PRMT8: variants seen among roughly 807,000 people sequenced by gnomAD.
The protein encoded by PRMT8 is protein arginine N-methyltransferase 8.
A neutral mutation model predicts 47.1 loss-of-function variants in PRMT8; 7 were observed. The observed-to-expected ratio is 0.15, with a 90% CI of 0.08 to 0.28. The LOEUF is 0.28. Among genes scored for constraint, PRMT8 ranks in the 10% least tolerant of loss-of-function variants. The pLI is 1.00. For synonymous variants in PRMT8, 188 were observed against 186.5 expected (o/e 1.01, Z -0.07); for missense variants, 237 against 505.4 (o/e 0.47, Z 5.09).
intron 1 of PRMT8, among the ~76,000 whole-genome samples, chr12:3,403,142 A>AT (rs1443518635): frequency 6.6e-6 from 1 of 152,230 alleles, no homozygotes; most frequent in Admixed American, 6.5e-5. Flanking sequence ...GCCTAAAAAA[A>AT]AGAATTGAGA....
chr12:3,409,304 C>T lies in PRMT8; in HGVS notation c.48+27862C>T, dbSNP rs548538710. On this transcript the variant is annotated intron_variant, in intron 1 of 9. Coordinates refer to the PRMT8 transcript ENST00000452611. This position sits in a 1 kb window ranked among gnomAD's most constrained non-coding sequence, Gnocchi z 4.4. Reference sequence around the variant, plus strand: ...GGGAAGAAGGGGTGCTGTGGAGTTTCGGGTCCAGTGAGCAGAACACAGCTG... The same window carrying T: ...GGGAAGAAGGGGTGCTGTGGAGTTTTGGGTCCAGTGAGCAGAACACAGCTG... Among the ~76,000 whole-genome samples, 8 of 152,210 alleles carry T rather than the reference C, an allele frequency of 5.3e-5. No homozygotes were observed. Among genetic ancestry groups the T allele is most frequent in the South Asian group, 4.2e-4 (2 of 4,812 alleles).
At chr12:3,413,314 C>T (rs1864451035) in intron 1 of PRMT8, among the ~76,000 whole-genome samples, 1 of 152,184 alleles carries the variant, frequency 6.6e-6, no homozygotes, top group African/African-American at 2.4e-5. Flanking sequence ...CTTGCCTCCC[C>T]TTTGTTTTCT....
At chr12:3,397,818 C>G (rs1471690155) in intron 1 of PRMT8, among the ~76,000 whole-genome samples, 1 of 152,134 alleles carries the variant, frequency 6.6e-6, no homozygotes. Flanking sequence ...GCCTCGCTGC[C>G]GCCTTGCAGT....
intron 7 of PRMT8, among the ~76,000 whole-genome samples, chr12:3,582,610 C>T (rs1245995368): frequency 2.0e-5 from 3 of 152,100 alleles, no homozygotes; most frequent in Admixed American, 2.0e-4. Flanking sequence ...AGCAGGTCTG[C>T]CCCCCTCAGA....
chr12:3,423,411 G>T (rs1864565620), intron 1 of PRMT8, among the ~76,000 whole-genome samples: 1 of 152,188 alleles, frequency 6.6e-6, no homozygotes, highest in Non-Finnish European at 1.5e-5. Context: ...TGTAAATGGG[G>T]GTCTGGTATC....
chr12:3,539,697 G>T (rs148986825), intron 1 of PRMT8, among the ~76,000 whole-genome samples: 29 of 152,260 alleles, frequency 1.9e-4, no homozygotes, highest in African/African-American at 6.7e-4. Flanking sequence ...TCCCTGCTCC[G>T]CCTAGCCTGT....
intron 1 of PRMT8, among the ~76,000 whole-genome samples, chr12:3,469,815 T>C (rs1865140156): frequency 6.6e-6 from 1 of 152,116 alleles, no homozygotes; most frequent in Non-Finnish European, 1.5e-5. Flanking sequence ...CACTAAGGAA[T>C]GTGTATTCAT....
chr12:3,581,327 G>A (rs1258400385), intron 7 of PRMT8, among the ~76,000 whole-genome samples: 1 of 152,140 alleles, frequency 6.6e-6, no homozygotes, highest in African/African-American at 2.4e-5. Flanking sequence ...ACACACATTT[G>A]GCTTCTTCTG....
intron 1 of PRMT8, among the ~76,000 whole-genome samples, chr12:3,414,690 T>C (rs1234692489): frequency 6.6e-6 from 1 of 151,880 alleles, no homozygotes; most frequent in Non-Finnish European, 1.5e-5. Flanking sequence ...CAGAGGATGA[T>C]ATTGGGCGAT....
upstream of PRMT8, among the ~76,000 whole-genome samples, chr12:3,486,903 A>G (rs975970636): frequency 1.8e-4 from 28 of 152,252 alleles, no homozygotes; most frequent in Admixed American, 5.2e-4. Flanking sequence ...TTTAATGGCA[A>G]AAGAAAAATC....
intron 1 of PRMT8, among the ~76,000 whole-genome samples, chr12:3,496,212 ATATTTTTTTTTTTTTT>A (rs1865504342): frequency 1.0e-4 from 2 of 19,392 alleles, no homozygotes; most frequent in Admixed American, 1.5e-3. Context: ...ATATATATAT[ATATTTTTTTTTTTTTT>A]TTTTTTTTTT....
rs1009169040 is a variant in PRMT8 at position 3,453,409 on chromosome 12, G to A, written c.48+71967G>A. 6.6e-6 allele frequency among the ~76,000 whole-genome samples: 1 copy of A among 152,162 alleles called. No individual in the cohort carries two copies. The highest frequency in any genetic ancestry group is 1.5e-5 in the Non-Finnish European group (1 of 68,024). On this transcript the variant is annotated intron_variant, in intron 1 of 9. Coordinates refer to the PRMT8 transcript ENST00000452611. The surrounding 1 kb of genome is among the most constrained non-coding windows in gnomAD (Gnocchi z 4.9). ...TGTCGCCGTCAGCAGGTGAGGGAGC[G>A]CATGGGGAATGCAGATTCCCAGGCC... is the stretch of plus-strand genomic sequence containing the variant.
rs1555085719 is a variant in PRMT8, at chr12:3,496,215, T to TATATATA, written c.75+4515_75+4516insATATATA. Among the ~76,000 whole-genome samples, 99 of 24,274 alleles carry TATATATA rather than the reference T, an allele frequency of 4.1e-3. 2 individuals carry two copies. Among genetic ancestry groups the TATATATA allele is most frequent in the Admixed American group, 0.012 (22 of 1,780 alleles). The allele number at this position is 24,274 out of a possible 152,430, so 15.9% of individuals were successfully genotyped here. A position where few individuals can be genotyped will look rare whatever the true frequency, so the allele number is the denominator to read the frequency against. On this transcript the variant is annotated intron_variant, in intron 1 of 9. Coordinates refer to ENST00000382622, the MANE Select transcript of PRMT8 (RefSeq NM_019854.5). ...TTGGAAACTGATATATATATATATA[T>TATATATA]TTTTTTTTTTTTTTTTTTTTTTTTT...
At position 3,570,038 on chromosome 12, in the gene PRMT8, G is replaced by T. The variant is rs137876840; in HGVS notation, c.712+474G>T. ...TCTCTTATGCAAATACATATTATTT[G>T]AGGTTCTTTTGAGGAATAGATAGCA... On this transcript the variant is annotated intron_variant, in intron 6 of 9. Coordinates refer to ENST00000382622, the MANE Select transcript of PRMT8 (RefSeq NM_019854.5). The surrounding 1 kb of genome is among the most constrained non-coding windows in gnomAD (Gnocchi z 5.5). Among the ~76,000 whole-genome samples, 1 of 152,292 alleles carries T rather than the reference G, an allele frequency of 6.6e-6. No homozygotes were observed. The highest frequency in any genetic ancestry group is 1.9e-4 in the East Asian group (1 of 5,184).
intron 1 of PRMT8, among the ~76,000 whole-genome samples, chr12:3,440,345 C>T (rs139333731): frequency 1.4e-4 from 22 of 152,118 alleles, no homozygotes; most frequent in African/African-American, 5.3e-4. Flanking sequence ...GGCTGTAGTC[C>T]CAGCTACTTG....
Position 3,591,621 on chromosome 12 carries a change from T to C in PRMT8, c.980-610T>C, listed in dbSNP as rs141643974. On this transcript the variant is annotated intron_variant, in intron 8 of 9. Transcript: ENST00000382622. ...GTTGCCCAGGCTGGTCTTGAACTCC[T>C]GGGCTCAACCAGTCCTCCTGCCTCA... Among the ~76,000 whole-genome samples the C allele has an allele frequency of 2.4e-3, 358 of 152,234 alleles. 1 individual carries two copies. Among genetic ancestry groups the C allele is most frequent in the African/African-American group, 7.4e-3 (309 of 41,538 alleles).
At position 3,557,425 on chromosome 12, in the gene PRMT8, G is replaced by T. The variant is rs975489561; in HGVS notation, c.481+3711G>T. 2.6e-5 allele frequency among the ~76,000 whole-genome samples: 4 copies of T among 152,144 alleles called. No individual in the cohort carries two copies. Among genetic ancestry groups the T allele is most frequent in the Non-Finnish European group, 4.4e-5 (3 of 68,028 alleles). On this transcript the variant is annotated intron_variant, in intron 4 of 9. Transcript: ENST00000382622. The surrounding 1 kb of genome is among the most constrained non-coding windows in gnomAD (Gnocchi z 4.7). Reference sequence around the variant, plus strand: ...CAAAGGCTGGGGCGAGGGGCGGGCAGCATGTCTAGTGGCCACAAGTGGAGC... The same window carrying T: ...CAAAGGCTGGGGCGAGGGGCGGGCATCATGTCTAGTGGCCACAAGTGGAGC...
At chr12:3,527,083 T>G (rs1865958792) in intron 1 of PRMT8, among the ~76,000 whole-genome samples, 1 of 152,202 alleles carries the variant, frequency 6.6e-6, no homozygotes, top group South Asian at 2.1e-4. Context: ...TTCTGCATTT[T>G]GGGGGCAATC....
rs190197028 is a variant in PRMT8, at chr12:3,550,410, G to C, written c.417+319G>C. 1.0e-3 allele frequency: 301 copies of C among 288,976 alleles called. 2 individuals are homozygous for C. Among genetic ancestry groups the C allele is most frequent in the African/African-American group, 5.9e-3 (283 of 48,128 alleles). The allele number at this position is 288,976 out of a possible 1,614,324, so 17.9% of individuals were successfully genotyped here. ...CAGAGGCAGTGCAGGTGGTTACTCG[G>C]GGGAGCTCTGGTTTGAATCTCTGCA... On this transcript the variant is annotated intron_variant, in intron 3 of 9. Coordinates refer to ENST00000382622, the MANE Select transcript of PRMT8 (RefSeq NM_019854.5). The surrounding 1 kb of genome is among the most constrained non-coding windows in gnomAD (Gnocchi z 5.1).
Sources: allele counts gnomAD v4.1 joint callset (sites outside exome capture counted in the v4.1 genomes callset), GRCh38; gene constraint gnomAD v4.1.1; non-coding constraint Gnocchi (gnomAD v3.1); transcripts MANE v1.5; gene names NCBI Gene and HGNC (gene_info 2026-07-23, HGNC 2026-07-21).